PCDH9: variants seen among roughly 807,000 people sequenced by gnomAD.
PCDH9 encodes protocadherin-9.
A neutral mutation model predicts 70.6 loss-of-function variants in PCDH9; 24 were observed. That is an observed-to-expected ratio of 0.34 (90% confidence interval 0.25 to 0.48). The LOEUF is 0.48. PCDH9 is among the 20% of genes least tolerant of loss of function. PCDH9 has a pLI of 0.99. For synonymous variants in PCDH9, 562 were observed against 558.5 expected, an observed-to-expected ratio of 1.01 and a Z score of -0.09; for missense variants, 1,281 against 1,503.6, an observed-to-expected ratio of 0.85 and a Z score of 2.45.
At chr13:66,366,311 T>C (rs1956554173) in intron 4 of PCDH9, among the ~76,000 whole-genome samples, 1 of 152,098 alleles carries the variant, frequency 6.6e-6, no homozygotes, top group African/African-American at 2.4e-5. Context: ...TCTTTAATTC[T>C]ACTTATGGAA....
At chr13:67,053,069 A>G (rs759891128) in intron 2 of PCDH9, among the ~76,000 whole-genome samples, 1 of 152,156 alleles carries the variant, frequency 6.6e-6, no homozygotes, top group Non-Finnish European at 1.5e-5. Context: ...CAGAGAAGCC[A>G]GTAGGAGCAG....
intron 2 of PCDH9, among the ~76,000 whole-genome samples, chr13:67,079,852 T>G (rs900789195): frequency 6.6e-6 from 1 of 152,120 alleles, no homozygotes; most frequent in Non-Finnish European, 1.5e-5. Context: ...TACAACCCCC[T>G]TATCTTAACT....
chr13:67,185,553 G>C (rs1278699347), intron 2 of PCDH9, among the ~76,000 whole-genome samples: 1 of 152,142 alleles, frequency 6.6e-6, no homozygotes, highest in Admixed American at 6.5e-5. Context: ...CTTCTCTACT[G>C]TAGGGTTAAA....
chr13:66,729,969 G>A (rs2079051463), intron 3 of PCDH9, among the ~76,000 whole-genome samples: 1 of 152,102 alleles, frequency 6.6e-6, no homozygotes, highest in Admixed American at 6.6e-5. Flanking sequence ...AAACCACAAA[G>A]TCTGTAGAAT....
chr13:67,058,123 G>T (rs1397035856), intron 2 of PCDH9, among the ~76,000 whole-genome samples: 1 of 152,058 alleles, frequency 6.6e-6, no homozygotes, highest in Non-Finnish European at 1.5e-5. Flanking sequence ...CATTGTAAAA[G>T]AATGTTTGCT....
intron 4 of PCDH9, among the ~76,000 whole-genome samples, chr13:66,492,691 C>A (rs1339553120): frequency 1.3e-5 from 2 of 151,916 alleles, no homozygotes. Flanking sequence ...ATGGTGGAAG[C>A]CTCATTTTGC....
intron 2 of PCDH9, among the ~76,000 whole-genome samples, chr13:67,027,722 GA>G (rs2084815625): frequency 1.3e-5 from 2 of 150,110 alleles, no homozygotes; most frequent in South Asian, 2.1e-4. Flanking sequence ...AAATTTACAA[GA>G]AAAAAACAAA....
At chr13:67,072,939 TC>T (rs1297797983) in intron 2 of PCDH9, among the ~76,000 whole-genome samples, 5 of 152,170 alleles carry the variant, frequency 3.3e-5, no homozygotes, top group Admixed American at 2.0e-4. Context: ...TTTTTGTTCT[TC>T]CAACAAAAGA....
At chr13:66,390,633 G>T (rs1440203492) in intron 4 of PCDH9, among the ~76,000 whole-genome samples, 1 of 151,958 alleles carries the variant, frequency 6.6e-6, no homozygotes, top group African/African-American at 2.4e-5. Context: ...CTACTTGGGA[G>T]GCTGAGTTAG....
intron 2 of PCDH9, among the ~76,000 whole-genome samples, chr13:66,974,473 T>C (rs1374200334): frequency 6.6e-6 from 1 of 151,878 alleles, no homozygotes; most frequent in Non-Finnish European, 1.5e-5. Flanking sequence ...TGTACAGAAA[T>C]TGGATTGGAA....
chr13:66,825,527 G>A (rs796750827), intron 3 of PCDH9, among the ~76,000 whole-genome samples: 5 of 150,890 alleles, frequency 3.3e-5, no homozygotes, highest in Admixed American at 1.3e-4. Context: ...AGTAGAGACG[G>A]GGTTTCACCG....
intron 3 of PCDH9, among the ~76,000 whole-genome samples, chr13:66,757,849 A>C (rs2079560386): frequency 6.6e-6 from 1 of 152,074 alleles, no homozygotes; most frequent in Non-Finnish European, 1.5e-5. Flanking sequence ...GCAAATGTAT[A>C]ATAGAGCAAG....
chr13:66,387,185 A>T (rs1487510923), intron 4 of PCDH9, among the ~76,000 whole-genome samples: 2 of 152,218 alleles, frequency 1.3e-5, no homozygotes, highest in Non-Finnish European at 1.5e-5. Flanking sequence ...CCTGACTGTG[A>T]GCCATTATCT....
At position 66,631,242 on chromosome 13, in the gene PCDH9, G is replaced by T. The variant is rs1466754652; in HGVS notation, c.3308C>A (p.Thr1103Asn). Residue 1103 changes from threonine (T) to asparagine (N), a missense_variant, in exon 4 of 5, where the codon ACT becomes AAT. Thr to Asn is a moderately conservative substitution (Grantham distance 65, BLOSUM62 0). Transcript: ENST00000377865. ...FYDQASPDKR[T>N]EADGNSDPNS... ...GGGATCAGAGTTGCCATCTGCTTCAGTCCTCTTGTCCGGAGAGGCCTGGTC... is the reference window on the plus strand; with the variant it reads ...GGGATCAGAGTTGCCATCTGCTTCATTCCTCTTGTCCGGAGAGGCCTGGTC... The T allele has an allele frequency of 6.2e-7, 1 of 1,608,424 alleles. No homozygotes were observed. The highest frequency in any genetic ancestry group is 8.5e-7 in the Non-Finnish European group (1 of 1,174,766).
At chr13:66,638,546 G>T (rs1300275511) in intron 3 of PCDH9, among the ~76,000 whole-genome samples, 1 of 152,136 alleles carries the variant, frequency 6.6e-6, no homozygotes, top group Non-Finnish European at 1.5e-5. Context: ...CAGAATAATT[G>T]TGAATTTTGC....
At chr13:66,545,927 T>C (rs1157367573) in intron 4 of PCDH9, among the ~76,000 whole-genome samples, 1 of 151,586 alleles carries the variant, frequency 6.6e-6, no homozygotes, top group Admixed American at 6.6e-5. Context: ...CAAGCTCCAC[T>C]TCCCGGGTTC....
At chr13:67,007,474 AT>A (rs560140667) in intron 2 of PCDH9, among the ~76,000 whole-genome samples, 3 of 152,210 alleles carry the variant, frequency 2.0e-5, no homozygotes, top group Non-Finnish European at 4.4e-5. Context: ...TAATAACAAA[AT>A]GTAAAAGTTA....
At chr13:66,720,334 T>G (rs1031682052) in intron 3 of PCDH9, among the ~76,000 whole-genome samples, 2 of 149,736 alleles carry the variant, frequency 1.3e-5, no homozygotes, top group African/African-American at 4.9e-5. Context: ...TTGTTTTTTT[T>G]TTTTTTTTGG....
In PCDH9 at chr13:66,328,168, T is replaced by G. The variant is rs145539167; in HGVS notation, c.3341-23140A>C. Among the ~76,000 whole-genome samples, 403 of 152,322 alleles carry G rather than the reference T, an allele frequency of 2.6e-3. 2 individuals are homozygous for G. The highest frequency in any genetic ancestry group is 8.9e-3 in the African/African-American group (369 of 41,578). ...TACTCTCATCAAGGACAAAAATATT[T>G]TATTCCTCCAAAATAATTTTGAAGC... On this transcript the variant is annotated intron_variant, in intron 4 of 4. Transcript: ENST00000377865.
Sources: gnomAD v4.1 joint callset for allele counts (sites outside exome capture counted in the v4.1 genomes callset) on GRCh38, gnomAD v4.1.1 for gene constraint, MANE v1.5 for transcripts, NCBI Gene and HGNC (gene_info 2026-07-23, HGNC 2026-07-21) for gene names.